Variants in GSG1L observed in about 807,000 individuals in gnomAD.
GSG1L encodes germ cell-specific gene 1-like protein.
GSG1L carries 24 observed loss-of-function variants against 42.1 expected under a neutral mutation model. The observed-to-expected ratio is 0.57, with a 90% CI of 0.41 to 0.80. The LOEUF (loss-of-function observed/expected upper bound fraction) is 0.80, where lower values mean the gene tolerates loss of function less well. Ranked by LOEUF, GSG1L falls within the 30% of genes least tolerant of loss-of-function variation. The pLI, the probability that GSG1L is intolerant of heterozygous loss-of-function variation, is 0.00. For synonymous variants in GSG1L, 215 were observed against 203.5 expected (o/e 1.06, Z -0.48); for missense variants, 445 against 472.2 (o/e 0.94, Z 0.53).
At chr16:28,014,591 A>T (rs1467675036) in intron 1 of GSG1L, among the ~76,000 whole-genome samples, 1 of 151,204 alleles carries the variant, frequency 6.6e-6, no homozygotes, top group Admixed American at 6.6e-5. Flanking sequence ...GTAACCTCCA[A>T]CTCCTGGGAT....
At position 27,993,425 on chromosome 16, in the gene GSG1L, C is replaced by T. The variant is rs181614438; in HGVS notation, c.350-30222G>A. Reference sequence around the variant, plus strand: ...TGCTGGGATTACAGGCAAGAGCCACCGCACCTGGCCTAGAGTCCCCACTTT... The same window carrying T: ...TGCTGGGATTACAGGCAAGAGCCACTGCACCTGGCCTAGAGTCCCCACTTT... On this transcript the variant is annotated intron_variant, in intron 1 of 6. Coordinates refer to ENST00000447459, the MANE Select transcript of GSG1L (RefSeq NM_001109763.2). Among the ~76,000 whole-genome samples, 33 of 152,230 alleles carry T rather than the reference C, an allele frequency of 2.2e-4. 1 individual carries two copies. In the South Asian group the frequency reaches 3.3e-3, roughly 15 times the overall value.
chr16:28,000,337 A>G (rs2085568017), intron 1 of GSG1L, among the ~76,000 whole-genome samples: 1 of 152,202 alleles, frequency 6.6e-6, no homozygotes, highest in South Asian at 2.1e-4. Flanking sequence ...AAGTAAAAAT[A>G]AAAAGTTAGG....
chr16:27,799,962 A>G (rs2082863476), intron 6 of GSG1L, among the ~76,000 whole-genome samples: 1 of 152,138 alleles, frequency 6.6e-6, no homozygotes, highest in South Asian at 2.1e-4. Flanking sequence ...AGCATCGTGG[A>G]GAACTTAGAG....
intron 1 of GSG1L, among the ~76,000 whole-genome samples, chr16:28,028,348 A>C (rs1220760923): frequency 6.6e-6 from 1 of 152,142 alleles, no homozygotes; most frequent in African/African-American, 2.4e-5. Context: ...TTGAAGATGA[A>C]TAAACCAAGC....
At chr16:27,918,114 G>T (rs571583456) in intron 2 of GSG1L, among the ~76,000 whole-genome samples, 51 of 152,244 alleles carry the variant, frequency 3.3e-4, no homozygotes, top group African/African-American at 1.1e-3. Context: ...TTCCCCTGAG[G>T]TTGCAGCAGA....
intron 3 of GSG1L, among the ~76,000 whole-genome samples, chr16:27,854,366 G>A (rs75872026): frequency 0.018 from 2,421 of 134,568 alleles, 89 homozygotes; most frequent in African/African-American, 0.064. Context: ...GGAGGGGGAA[G>A]AATAGGAGGA....
In GSG1L at chr16:27,791,362, G is replaced by T; in HGVS notation, c.*8C>A. 7.2e-7 allele frequency: 1 copy of T among 1,392,744 alleles called. No homozygotes were observed. Among genetic ancestry groups the T allele is most frequent in the Non-Finnish European group, 9.4e-7 (1 of 1,062,266 alleles). 86.3% of individuals were successfully genotyped at this position (1,392,744 alleles called of 1,614,324 possible). ...GCCTGAGGTCCGCGGGCCAGGTTGA[G>T]GTCTTGGTCACACCCAGTGCCCCAA... is the stretch of plus-strand genomic sequence containing the variant. On this transcript the variant is annotated 3_prime_UTR_variant, in exon 7 of 7. Transcript: ENST00000447459.
chr16:27,868,050 C>T (rs1219733195), intron 3 of GSG1L, among the ~76,000 whole-genome samples: 1 of 152,246 alleles, frequency 6.6e-6, no homozygotes, highest in African/African-American at 2.4e-5. Context: ...TATTAAAATT[C>T]TTACCTCTTC....
At chr16:27,904,660 C>G (rs929449861) in intron 2 of GSG1L, among the ~76,000 whole-genome samples, 1 of 152,268 alleles carries the variant, frequency 6.6e-6, no homozygotes. Flanking sequence ...TGCCTTATCT[C>G]CCTCCCCTTC....
Position 27,791,131 on chromosome 16 carries a change from G to T in GSG1L, c.*239C>A, listed in dbSNP as rs938947914. The T allele has an allele frequency of 8.1e-6, 3 of 370,294 alleles. No individual in the cohort carries two copies. The highest frequency in any genetic ancestry group is 1.4e-5 in the Non-Finnish European group (3 of 208,286). 22.9% of individuals were successfully genotyped at this position (370,294 alleles called of 1,614,324 possible). A position where few individuals can be genotyped will look rare whatever the true frequency, so the allele number is the denominator to read the frequency against. ...CATGTGATGATGGCAAGAGTCCGGG[G>T]CTGCTGTCCCAAAGTCACTCTGTGC... is the stretch of plus-strand genomic sequence containing the variant. On this transcript the variant is annotated 3_prime_UTR_variant, in exon 7 of 7. Coordinates refer to ENST00000447459, the MANE Select transcript of GSG1L (RefSeq NM_001109763.2).
rs539199417 is a variant in GSG1L, at chr16:28,040,641, C to T, written c.349+22435G>A. On this transcript the variant is annotated intron_variant, in intron 1 of 6. Coordinates refer to ENST00000447459, the MANE Select transcript of GSG1L (RefSeq NM_001109763.2). This position sits in a 1 kb window ranked among gnomAD's most constrained non-coding sequence, Gnocchi z 4.1. ...CCTTCCAGCAACCTAAGAAGAGACC[C>T]GCAGGACATGAAGATGCTCTCAGAG... is the stretch of plus-strand genomic sequence containing the variant. 5.6e-4 allele frequency among the ~76,000 whole-genome samples: 86 copies of T among 152,306 alleles called. 2 individuals carry two copies. Among genetic ancestry groups the T allele is most frequent in the African/African-American group, 2.0e-3 (82 of 41,566 alleles).
chr16:27,983,927 G>C (rs9940029), intron 1 of GSG1L, among the ~76,000 whole-genome samples: 1 of 152,114 alleles, frequency 6.6e-6, no homozygotes, highest in Non-Finnish European at 1.5e-5. Context: ...GACTCCCGCA[G>C]CAAGGTCTTT....
At chr16:27,972,098 G>T (rs1004471902) in intron 1 of GSG1L, among the ~76,000 whole-genome samples, 6 of 152,240 alleles carry the variant, frequency 3.9e-5, no homozygotes, top group Non-Finnish European at 7.3e-5. Context: ...ACCATGGACA[G>T]CTGGGGGTGT....
intron 2 of GSG1L, among the ~76,000 whole-genome samples, chr16:27,942,855 AAACTT>A (rs1316203774): frequency 6.6e-6 from 1 of 152,202 alleles, no homozygotes; most frequent in African/African-American, 2.4e-5. Flanking sequence ...ATGGGATAGA[AAACTT>A]AATAATGTTG....
intron 2 of GSG1L, among the ~76,000 whole-genome samples, chr16:27,915,390 G>A (rs2084442312): frequency 6.6e-6 from 1 of 152,184 alleles, no homozygotes; most frequent in African/African-American, 2.4e-5. Flanking sequence ...TCCATGAACA[G>A]CAGAAGGCTT....
chr16:27,935,287 C>T (rs1185244130), intron 2 of GSG1L, among the ~76,000 whole-genome samples: 2 of 151,928 alleles, frequency 1.3e-5, no homozygotes, highest in African/African-American at 2.4e-5. Context: ...TGCCACAGCC[C>T]GGCCAGCCTT....
chr16:27,813,976 G>A (rs956635913), intron 5 of GSG1L, among the ~76,000 whole-genome samples: 17 of 152,274 alleles, frequency 1.1e-4, no homozygotes, highest in East Asian at 3.9e-4. Context: ...AGTAACGACC[G>A]CTGCCACTGC....
intron 2 of GSG1L, among the ~76,000 whole-genome samples, chr16:27,954,384 T>A (rs1365355469): frequency 6.6e-6 from 1 of 152,164 alleles, no homozygotes; most frequent in Non-Finnish European, 1.5e-5. Context: ...ACTACCCGCA[T>A]GGAGGAAGCC....
intron 1 of GSG1L, among the ~76,000 whole-genome samples, chr16:28,032,634 G>A (rs558226005): frequency 2.6e-5 from 4 of 152,094 alleles, no homozygotes; most frequent in Non-Finnish European, 4.4e-5. Context: ...ATTTAAGATC[G>A]CTTCCTTCCC....
Sources: gnomAD v4.1 joint callset for allele counts (sites outside exome capture counted in the v4.1 genomes callset) on GRCh38, gnomAD v4.1.1 for gene constraint, Gnocchi (gnomAD v3.1) non-coding constraint, MANE v1.5 for transcripts, NCBI Gene and HGNC (gene_info 2026-07-23, HGNC 2026-07-21) for gene names.